COL26A1: variants seen among roughly 807,000 people sequenced by gnomAD.
COL26A1 encodes collagen type XXVI alpha 1 chain, also known as collagen alpha-1(XXVI) chain.
COL26A1 carries 41 observed loss-of-function variants against 59.3 expected under a neutral mutation model. The observed-to-expected ratio is 0.69, with a 90% CI of 0.54 to 0.90. The LOEUF is 0.90. COL26A1 is among the 40% of genes least tolerant of loss of function. COL26A1 has a pLI of 0.00. For missense variants in COL26A1, 612 were observed against 602.3 expected, an observed-to-expected ratio of 1.02 and a Z score of -0.17; for synonymous variants, 266 against 256.0, an observed-to-expected ratio of 1.04 and a Z score of -0.37.
chr7:101,414,085 A>G (rs995106621), intron 1 of COL26A1, among the ~76,000 whole-genome samples: 5 of 152,178 alleles, frequency 3.3e-5, no homozygotes, highest in South Asian at 2.1e-4. Flanking sequence ...CTGGGGATGC[A>G]CAGGCTTTAG....
intron 2 of COL26A1, among the ~76,000 whole-genome samples, chr7:101,424,920 A>ATATTT (rs924374400): frequency 1.3e-5 from 2 of 151,774 alleles, no homozygotes; most frequent in Non-Finnish European, 2.9e-5. Context: ...AGCTGGAGGG[A>ATATTT]TATTTTATTT....
At chr7:101,447,171 T>G (rs187907371) in intron 2 of COL26A1, among the ~76,000 whole-genome samples, 114 of 152,250 alleles carry the variant, frequency 7.5e-4, no homozygotes, top group African/African-American at 2.6e-3. Flanking sequence ...TCTCAAGCAC[T>G]GATCTTAGGT....
intron 2 of COL26A1, among the ~76,000 whole-genome samples, chr7:101,429,185 A>C (rs1584399949): frequency 6.6e-6 from 1 of 151,960 alleles, no homozygotes; most frequent in Non-Finnish European, 1.5e-5. Flanking sequence ...CAGCCTCCCA[A>C]AGTGCTGGGA....
chr7:101,425,392 G>A lies in COL26A1; in HGVS notation c.281+5293G>A, dbSNP rs964705287. Among the ~76,000 whole-genome samples the A allele has an allele frequency of 1.1e-4, 17 of 152,266 alleles. No homozygotes were observed. In the South Asian group the frequency reaches 3.3e-3, roughly 30 times the overall value. ...TGGGAGCCTTAGGAGGTCCGGGACTGTCTCATTGGCTGCTGTGTTCCCCAT... is the reference window on the plus strand; with the variant it reads ...TGGGAGCCTTAGGAGGTCCGGGACTATCTCATTGGCTGCTGTGTTCCCCAT... On this transcript the variant is annotated intron_variant, in intron 2 of 12. Transcript: ENST00000313669.
intron 3 of COL26A1, among the ~76,000 whole-genome samples, chr7:101,494,760 C>T (rs934963955): frequency 2.0e-5 from 3 of 152,234 alleles, no homozygotes; most frequent in African/African-American, 7.2e-5. Context: ...AGTCCCAGCT[C>T]TTCCAGCTGC....
At chr7:101,455,503 C>CTTT (rs10690062) in intron 3 of COL26A1, among the ~76,000 whole-genome samples, 7,457 of 116,374 alleles carry the variant, frequency 0.064, 549 homozygotes, top group African/African-American at 0.11. Flanking sequence ...CTTTTCTTTT[C>CTTT]TTTTTTTTTT....
intron 3 of COL26A1, among the ~76,000 whole-genome samples, chr7:101,488,836 A>G (rs1400970040): frequency 2.0e-5 from 3 of 151,982 alleles, no homozygotes; most frequent in Non-Finnish European, 2.9e-5. Context: ...TGTCTAGCGC[A>G]CTCTTCCAGG....
intron 1 of COL26A1, among the ~76,000 whole-genome samples, chr7:101,365,922 G>A (rs1373301636): frequency 6.6e-6 from 1 of 152,176 alleles, no homozygotes; most frequent in South Asian, 2.1e-4. Context: ...CTGGCATTTG[G>A]TGGGTTGGAA....
intron 3 of COL26A1, among the ~76,000 whole-genome samples, chr7:101,456,598 A>T (rs564285768): frequency 6.6e-6 from 1 of 151,330 alleles, no homozygotes; most frequent in Admixed American, 6.6e-5. Flanking sequence ...TGGGAGGCAG[A>T]GGTTATGGTG....
chr7:101,370,746 A>G (rs2117005760), intron 1 of COL26A1, among the ~76,000 whole-genome samples: 1 of 152,186 alleles, frequency 6.6e-6, no homozygotes, highest in African/African-American at 2.4e-5. Flanking sequence ...GTTTCGTCTA[A>G]GCCAAAGTGC....
intron 7 of COL26A1, 100 bp downstream of exon 7, chr7:101,545,590 C>T: frequency 7.8e-7 from 1 of 1,275,106 alleles, no homozygotes. Flanking sequence ...GACCCCACCA[C>T]ATGCCCATCC....
intron 2 of COL26A1, among the ~76,000 whole-genome samples, chr7:101,423,961 T>G (rs1475378204): frequency 6.6e-6 from 1 of 151,934 alleles, no homozygotes; most frequent in Non-Finnish European, 1.5e-5. Context: ...CCCAGTTACA[T>G]AGGAGGCTGA....
At position 101,447,824 on chromosome 7, in the gene COL26A1, C is replaced by A. The variant is rs113636413; in HGVS notation, c.385+37C>A. 6,609 of 1,350,284 alleles carry A rather than the reference C, an allele frequency of 4.9e-3. 21 individuals are homozygous for A. Among genetic ancestry groups the A allele is most frequent in the Non-Finnish European group, 6.0e-3 (5,723 of 958,912 alleles). The allele number at this position is 1,350,284 out of a possible 1,614,324, so 83.6% of individuals were successfully genotyped here. ...GGCACTTGGGCTGCAGGGGGCCAGG[C>A]GTGGGCCAGGCTGGAGTTTCTCCCT... is the stretch of plus-strand genomic sequence containing the variant. On this transcript the variant is annotated intron_variant, in intron 3 of 12. Coordinates refer to ENST00000313669, the MANE Select transcript of COL26A1 (RefSeq NM_001278563.3).
rs201180663 is a variant in COL26A1 at position 101,540,015 on chromosome 7, T to C, written c.570T>C (p.Pro190=). 224 of 1,613,150 alleles carry C rather than the reference T, an allele frequency of 1.4e-4. 2 individuals are homozygous for C. Among genetic ancestry groups the C allele is most frequent in the Middle Eastern group, 6.6e-4 (4 of 6,062 alleles). ...CCGACGCCATCCCTCTTGCTCACCC[T>C]GTGCCACGACAGAGAAGGCCCACGG... ...FLPDAIPLAH[P]VPRQRRPTGP... is the part of the protein sequence containing the mutation. The change falls in exon 5 of 13, where the codon CCT becomes CCC. Residue 190 remains proline (P), a synonymous_variant. Transcript: ENST00000313669.
chr7:101,500,452 T>C (rs968830510), intron 3 of COL26A1, among the ~76,000 whole-genome samples: 2 of 152,240 alleles, frequency 1.3e-5, no homozygotes, highest in Non-Finnish European at 2.9e-5. Context: ...TCTCCTCTGC[T>C]GATGTCTGTT....
intron 1 of COL26A1, among the ~76,000 whole-genome samples, chr7:101,376,204 T>C (rs915778235): frequency 1.3e-5 from 2 of 149,552 alleles, no homozygotes; most frequent in East Asian, 2.0e-4. Flanking sequence ...CCCAGCTACC[T>C]GGGAGGGGAG....
At chr7:101,427,786 G>A (rs1584398837) in intron 2 of COL26A1, among the ~76,000 whole-genome samples, 1 of 152,156 alleles carries the variant, frequency 6.6e-6, no homozygotes, top group East Asian at 1.9e-4. Context: ...ACAGGTGCGA[G>A]CCATTGCACC....
intron 2 of COL26A1, among the ~76,000 whole-genome samples, chr7:101,434,096 CTTT>C: frequency 9.3e-6 from 1 of 107,460 alleles, no homozygotes; most frequent in African/African-American, 3.6e-5. Context: ...CTCCCTCTTT[CTTT>C]CTGCTTTCTT....
intron 3 of COL26A1, among the ~76,000 whole-genome samples, chr7:101,458,494 C>T (rs1012609181): frequency 1.3e-4 from 20 of 151,700 alleles, no homozygotes; most frequent in Non-Finnish European, 2.9e-4. Context: ...AAAAACTAGC[C>T]GGGCGTGGTG....
Sources: allele counts gnomAD v4.1 joint callset (sites outside exome capture counted in the v4.1 genomes callset), GRCh38; gene constraint gnomAD v4.1.1; transcripts MANE v1.5; gene names NCBI Gene and HGNC (gene_info 2026-07-23, HGNC 2026-07-21).